CPNE4: variants seen among roughly 807,000 people sequenced by gnomAD.
CPNE4 encodes copine-4.
A neutral mutation model predicts 67.9 loss-of-function variants in CPNE4; 25 were observed. The observed-to-expected ratio is 0.37, with a 90% confidence interval of 0.27 to 0.51. The LOEUF is 0.51. CPNE4 is among the 20% of genes least tolerant of loss of function. CPNE4 has a pLI of 0.93. For synonymous variants in CPNE4, 242 were observed against 244.9 expected (o/e 0.99, Z 0.11); for missense variants, 464 against 690.8 (o/e 0.67, Z 3.68).
intron 7 of CPNE4, among the ~76,000 whole-genome samples, chr3:131,641,088 C>T (rs2079528848): frequency 6.6e-6 from 1 of 152,046 alleles, no homozygotes; most frequent in Non-Finnish European, 1.5e-5. Flanking sequence ...TGGGAAAACC[C>T]TTCTAGACAT....
chr3:131,666,141 A>C (rs1212804771), intron 7 of CPNE4, among the ~76,000 whole-genome samples: 1 of 152,192 alleles, frequency 6.6e-6, no homozygotes, highest in Non-Finnish European at 1.5e-5. Context: ...CGTAGCATAC[A>C]AAATATGCTA....
At chr3:131,600,556 C>T (rs1939145306) in intron 7 of CPNE4, among the ~76,000 whole-genome samples, 1 of 152,178 alleles carries the variant, frequency 6.6e-6, no homozygotes, top group African/African-American at 2.4e-5. Flanking sequence ...CCACCAGCTA[C>T]AGGCCTCATA....
chr3:131,759,360 C>G (rs1043683108), intron 2 of CPNE4, among the ~76,000 whole-genome samples: 1 of 152,160 alleles, frequency 6.6e-6, no homozygotes, highest in African/African-American at 2.4e-5. Context: ...GGAAGCTTGT[C>G]ACTACAAGCC....
chr3:132,032,250 A>G (rs2074252243), intron 1 of CPNE4, among the ~76,000 whole-genome samples: 3 of 152,202 alleles, frequency 2.0e-5, no homozygotes, highest in African/African-American at 7.2e-5. Context: ...ACTGTACCGC[A>G]TCTGTGCCTT....
chr3:131,545,524 AAAC>A (rs1421093042), intron 14 of CPNE4, among the ~76,000 whole-genome samples: 1 of 152,216 alleles, frequency 6.6e-6, no homozygotes, highest in African/African-American at 2.4e-5. Flanking sequence ...ATTAATAAAA[AAAC>A]ACATATTTTC....
intron 1 of CPNE4, among the ~76,000 whole-genome samples, chr3:131,907,577 T>C (rs1165674600): frequency 6.6e-6 from 1 of 152,048 alleles, no homozygotes; most frequent in Non-Finnish European, 1.5e-5. Flanking sequence ...TTTATGTATT[T>C]ATGTATTTCA....
chr3:131,556,556 T>C (rs1235323180), intron 11 of CPNE4, among the ~76,000 whole-genome samples: 1 of 152,098 alleles, frequency 6.6e-6, no homozygotes, highest in African/African-American at 2.4e-5. Flanking sequence ...AAAATCTTTA[T>C]ATCTCTACTG....
intron 2 of CPNE4, among the ~76,000 whole-genome samples, chr3:131,749,383 CTTAATA>C (rs1340796733): frequency 6.6e-6 from 1 of 152,116 alleles, no homozygotes; most frequent in African/African-American, 2.4e-5. Context: ...TATAGTCTAT[CTTAATA>C]TTATGTCCTG....
At chr3:131,573,932 G>A (rs552163289) in intron 10 of CPNE4, among the ~76,000 whole-genome samples, 2 of 152,172 alleles carry the variant, frequency 1.3e-5, no homozygotes, top group South Asian at 2.1e-4. Context: ...CCAAGTTTAG[G>A]AAGGACATAG....
At chr3:131,596,621 C>CAAA (rs58456346) in intron 7 of CPNE4, among the ~76,000 whole-genome samples, 1,538 of 32,782 alleles carry the variant, frequency 0.047, 207 homozygotes, top group Non-Finnish European at 0.067. Flanking sequence ...GACTCCGTCT[C>CAAA]AAAAAAAAAA....
rs191804043 is a variant in CPNE4 at position 131,668,711 on chromosome 3, C to A, written c.681+964G>T. On this transcript the variant is annotated intron_variant, in intron 7 of 15. Transcript: ENST00000429747. The stretch of plus-strand genomic sequence containing the variant: ...GGTTGAATCACCTCCGGGCCATTGA[C>A]AACAAGGAACGTCTAGACTTTCAAG... 2.3e-3 allele frequency among the ~76,000 whole-genome samples: 353 copies of A among 152,226 alleles called. 2 individuals are homozygous for A. Among genetic ancestry groups the A allele is most frequent in the African/African-American group, 8.1e-3 (335 of 41,548 alleles).
intron 3 of CPNE4, among the ~76,000 whole-genome samples, chr3:131,718,044 C>T (rs953766838): frequency 7.3e-5 from 11 of 151,340 alleles, no homozygotes; most frequent in Admixed American, 7.3e-4. Context: ...TGCACTGTTG[C>T]CTGGGCTGGG....
At chr3:131,632,427 AG>A (rs1317669344) in intron 7 of CPNE4, among the ~76,000 whole-genome samples, 2 of 152,136 alleles carry the variant, frequency 1.3e-5, no homozygotes, top group Non-Finnish European at 2.9e-5. Flanking sequence ...TCAGTCAGTA[AG>A]TAACAGCGTC....
At chr3:131,762,992 G>T (rs144153794) in intron 2 of CPNE4, among the ~76,000 whole-genome samples, 1 of 151,224 alleles carries the variant, frequency 6.6e-6, no homozygotes, top group African/African-American at 2.4e-5. Context: ...AGGCAGGAAA[G>T]AATACATATA....
At chr3:131,716,048 T>C (rs564918568) in intron 3 of CPNE4, among the ~76,000 whole-genome samples, 2 of 152,310 alleles carry the variant, frequency 1.3e-5, no homozygotes, top group African/African-American at 4.8e-5. Context: ...CTCAGCCTTC[T>C]TTGCTTTATT....
intron 2 of CPNE4, among the ~76,000 whole-genome samples, chr3:131,888,432 C>T (rs917574645): frequency 1.3e-5 from 2 of 151,778 alleles, no homozygotes; most frequent in African/African-American, 4.8e-5. Context: ...GGACTAACTA[C>T]TCCGACGAAA....
intron 7 of CPNE4, among the ~76,000 whole-genome samples, chr3:131,602,479 C>T (rs1366862101): frequency 1.3e-5 from 2 of 152,146 alleles, no homozygotes; most frequent in Non-Finnish European, 2.9e-5. Context: ...TCACACATCC[C>T]TGCTCTTCTG....
chr3:131,708,819 C>T (rs1352835642), intron 3 of CPNE4, among the ~76,000 whole-genome samples: 1 of 151,394 alleles, frequency 6.6e-6, no homozygotes, highest in African/African-American at 2.4e-5. Context: ...CCTTTGTGCA[C>T]TGAAAGGGGC....
chr3:131,869,534 T>C (rs938156637), intron 2 of CPNE4, among the ~76,000 whole-genome samples: 1 of 152,230 alleles, frequency 6.6e-6, no homozygotes, highest in African/African-American at 2.4e-5. Context: ...CAGCTTTTCA[T>C]AACTTAAGAA....
Sources: allele counts gnomAD v4.1 joint callset (sites outside exome capture counted in the v4.1 genomes callset), GRCh38; gene constraint gnomAD v4.1.1; transcripts MANE v1.5; gene names NCBI Gene and HGNC (gene_info 2026-07-23, HGNC 2026-07-21).